ACAA1: variants seen among roughly 807,000 people sequenced by gnomAD.
ACAA1 encodes the protein 3-ketoacyl-CoA thiolase, peroxisomal.
ACAA1 carries 44 observed loss-of-function variants against 48.8 expected under a neutral mutation model. The observed-to-expected ratio is 0.90, with a 90% CI of 0.71 to 1.16. ACAA1 has a LOEUF of 1.16. Ranked by LOEUF, ACAA1 falls within the 50% of genes most tolerant of loss-of-function variation. ACAA1 has a pLI of 0.00. For synonymous variants in ACAA1, 233 were observed against 226.5 expected (o/e 1.03, Z -0.26); for missense variants, 512 against 562.3 (o/e 0.91, Z 0.90).
chr3:38,131,600 A>G lies in ACAA1; in HGVS notation c.442T>C (p.Cys148Arg), dbSNP rs748612350. The G allele has an allele frequency of 6.2e-7, 1 of 1,614,190 alleles. No individual in the cohort carries two copies. The highest frequency in any genetic ancestry group is 1.1e-5 in the South Asian group (1 of 91,078). ...CCGGCAGAAAAAAATTCTTACCCAC[A>G]GGCCATGCCAATGTCATAAGACCCA... Reference protein sequence around the residue: ...RNGSYDIGMACGVESMSLADR... With the variant: ...RNGSYDIGMARGVESMSLADR... Residue 148 changes from cysteine to arginine, a missense_variant, in exon 5 of 12, where the codon TGT (cysteine) becomes CGT (arginine). Cys to Arg is a radical substitution (Grantham distance 180, BLOSUM62 -3). Transcript: ENST00000333167.
Position 38,125,575 on chromosome 3 carries a change from G to A in ACAA1, c.1189C>T (p.Arg397Cys), listed in dbSNP as rs528719459. The A allele has an allele frequency of 4.5e-6, 7 of 1,554,412 alleles. No individual in the cohort carries two copies. The highest frequency in any genetic ancestry group is 2.7e-5 in the African/African-American group (2 of 72,876). Residue 397 changes from arginine to cysteine, a missense_variant, in exon 11 of 12, where the codon CGT (arginine) becomes TGT (cysteine). Transcript: ENST00000333167. ...GGAGCAAAGCCTTACCTCTTCCCAC[G>A]GCGCTTCAGCTCATTGAGCAGCGTG... ...VITLLNELKR[R>C]GKRAYGVVSM...
chr3:38,130,437 A>G (rs888695088), intron 5 of ACAA1, among the ~76,000 whole-genome samples: 4 of 152,202 alleles, frequency 2.6e-5, no homozygotes, highest in Non-Finnish European at 4.4e-5. Flanking sequence ...TAACTTATCC[A>G]TGGTGACCCA....
intron 2 of ACAA1, chr3:38,134,501 A>G (rs541144552): frequency 2.8e-5 from 13 of 457,522 alleles, no homozygotes; most frequent in African/African-American, 2.4e-4. Context: ...GAAAGATCAG[A>G]TTGTTACCGT....
At chr3:38,130,101 C>G (rs1327551533) in intron 5 of ACAA1, among the ~76,000 whole-genome samples, 1 of 152,174 alleles carries the variant, frequency 6.6e-6, no homozygotes, top group Non-Finnish European at 1.5e-5. Context: ...AAAGGGCATT[C>G]AGACCTGCAT....
chr3:38,125,674 C>A lies in ACAA1; in HGVS notation c.1090G>T (p.Glu364Ter). The A allele has an allele frequency of 1.3e-6, 2 of 1,599,720 alleles. 1 individual carries two copies. Among genetic ancestry groups the A allele is most frequent in the South Asian group, 2.3e-5 (2 of 88,796 alleles). The change falls in exon 11 of 12, where the codon GAG becomes TAG. Residue 364 changes from glutamate (E) to a stop codon, truncating the protein, a stop_gained. Coordinates refer to ENST00000333167, the MANE Select transcript of ACAA1 (RefSeq NM_001607.4). LOFTEE classifies it high-confidence loss of function. ...GCACCCCCCAGGGGGTTCACCTTCT[C>A]AGGGGGGAGTCGTAGCTTCTCCACA... ...YCVEKLRLPP[E>*]KVNPLGGAVA...
intron 2 of ACAA1, among the ~76,000 whole-genome samples, 198 bp downstream of exon 2, chr3:38,136,394 C>A (rs1055523271): frequency 6.6e-6 from 1 of 152,206 alleles, no homozygotes. Flanking sequence ...TACACTTTGT[C>A]TCTGCGTCTT....
rs73827609 is a variant in ACAA1, at chr3:38,131,475, G to C, written c.446+121C>G. The C allele has an allele frequency of 2.7e-3, 2,828 of 1,035,482 alleles. 56 individuals carry two copies. The African/African-American group carries it at 0.04, about 15-fold the overall frequency. 64.1% of individuals were successfully genotyped at this position (1,035,482 alleles called of 1,614,324 possible). On this transcript the variant is annotated intron_variant, in intron 5 of 11. Coordinates refer to ENST00000333167, the MANE Select transcript of ACAA1 (RefSeq NM_001607.4). The stretch of plus-strand genomic sequence containing the variant: ...AACCTGCATTTGTGAGAACCCACTC[G>C]TGGCCAGCTGCCTAAAGGGGATGGG...
At chr3:38,125,381 C>A in intron 11 of ACAA1, 184 bp downstream of exon 11, 2 of 593,878 alleles carry the variant, frequency 3.4e-6, no homozygotes, top group Non-Finnish European at 5.3e-6. Context: ...TAACTCACTA[C>A]CTCTGGACCA....
At position 38,123,071 on chromosome 3, in the gene ACAA1, G is replaced by A. The variant is rs2229529; in HGVS notation, c.1251C>T (p.Ala417=). 1,848 of 1,614,140 alleles carry A rather than the reference G, an allele frequency of 1.1e-3. 20 individuals carry two copies. The African/African-American group carries it at 0.022, about 19-fold the overall frequency. ...CTCAGTTCCCAGGGTATTCAAAGAC[G>A]GCAGCGGCTCCCATTCCAGTCCCGA... ...MCIGTGMGAA[A]VFEYPGN Residue 417 remains alanine, a synonymous_variant, in exon 12 of 12, where the codon GCC becomes GCT. Transcript: ENST00000333167.
rs987690863 is a variant in ACAA1 at position 38,126,966 on chromosome 3, A to C, written c.627-266T>G. ...TGCCTCCACTTAGAGCCCTTTGTCC[A>C]AGAGGGATTAAGCCTGCTTGATTCT... is the stretch of plus-strand genomic sequence containing the variant. On this transcript the variant is annotated intron_variant, in intron 7 of 11. Transcript: ENST00000333167. The surrounding 1 kb of genome is among the most constrained non-coding windows in gnomAD (Gnocchi z 4.7). 3.9e-5 allele frequency among the ~76,000 whole-genome samples: 6 copies of C among 152,216 alleles called. No homozygotes were observed. The highest frequency in any genetic ancestry group is 8.8e-5 in the Non-Finnish European group (6 of 68,030).
chr3:38,132,084 A>G (rs1361184422), intron 3 of ACAA1, 79 bp from the exon 4 acceptor site: 6 of 1,313,742 alleles, frequency 4.6e-6, no homozygotes, highest in Non-Finnish European at 1.1e-6. Context: ...TATGCTTCTA[A>G]CTGCCCCCCT....
chr3:38,127,629 C>T, intron 7 of ACAA1, 157 bp downstream of exon 7: 1 of 681,258 alleles, frequency 1.5e-6, no homozygotes, highest in Non-Finnish European at 2.6e-6. Flanking sequence ...GTGGCCCTGA[C>T]ACTTCCTACT....
rs566439081 is a variant in ACAA1 at position 38,136,668 on chromosome 3, C to T, written c.189G>A (p.Glu63=). ...RGGFKDTTPD[E]LLSAVMTAVL... ...CCGCGGTCATGACTGCCGAGAGAAG[C>T]TCGTCGGGGGTGGTGTCCTGCAGCA... is the stretch of plus-strand genomic sequence containing the variant. Residue 63 remains glutamate (E), a synonymous_variant, in exon 2 of 12, where the codon GAG becomes GAA. Coordinates refer to ENST00000333167, the MANE Select transcript of ACAA1 (RefSeq NM_001607.4). The T allele has an allele frequency of 3.7e-6, 6 of 1,613,176 alleles. No homozygotes were observed. In the African/African-American group the frequency reaches 5.3e-5, roughly 14 times the overall value.
chr3:38,125,321 G>C (rs1232451692), intron 11 of ACAA1: 2 of 374,648 alleles, frequency 5.3e-6, no homozygotes, highest in Non-Finnish European at 9.4e-6. Context: ...GAAGTAAGAA[G>C]GGGGTAAAGA....
intron 3 of ACAA1, chr3:38,133,474 AT>A (rs1488632474): frequency 6.4e-6 from 1 of 155,626 alleles, no homozygotes; most frequent in Non-Finnish European, 1.4e-5. Flanking sequence ...CATGAAAATA[AT>A]TTAAGCACTC....
Position 38,123,110 on chromosome 3 carries a change from C to T in ACAA1, c.1212G>A (p.Val404=). 6.2e-7 allele frequency: 1 copy of T among 1,614,170 alleles called. No individual in the cohort carries two copies. The highest frequency in any genetic ancestry group is 8.5e-7 in the Non-Finnish European group (1 of 1,180,030). ...TTCCAGTCCCGATGCACATGGACAC[C>T]ACTCCGTATGCCCTGTGAAAACAAA... ...LKRRGKRAYG[V]VSMCIGTGMG... The change falls in exon 12 of 12, where the codon GTG becomes GTA. Residue 404 remains valine, a synonymous_variant. Coordinates refer to ENST00000333167, the MANE Select transcript of ACAA1 (RefSeq NM_001607.4).
intron 6 of ACAA1, 70 bp from the exon 7 acceptor site, chr3:38,127,936 C>T (rs1700711451): frequency 1.9e-6 from 3 of 1,550,746 alleles, no homozygotes; most frequent in Non-Finnish European, 2.7e-6. Flanking sequence ...GGCTGTAGAG[C>T]TGTGCTTGGA....
chr3:38,131,706 T>C, intron 4 of ACAA1, 68 bp from the exon 5 acceptor site: 2 of 1,543,954 alleles, frequency 1.3e-6, no homozygotes, highest in Non-Finnish European at 1.8e-6. Flanking sequence ...GTGGAGCCTC[T>C]TCCCCACCTG....
rs768130587 is a variant in ACAA1 at position 38,129,365 on chromosome 3, T to C, written c.470A>G (p.Asp157Gly). Residue 157 changes from aspartate (D) to glycine (G), a missense_variant, in exon 6 of 12, where the codon GAC (aspartate) becomes GGC (glycine). Coordinates refer to ENST00000333167, the MANE Select transcript of ACAA1 (RefSeq NM_001607.4). The surrounding 1 kb of genome is among the most constrained non-coding windows in gnomAD (Gnocchi z 5.3). ...AGTAATATTTCCAGGGTTCCCTCTG[T>C]CAGCCAGGGACATGGACTCCACCCT... ...ACGVESMSLA[D>G]RGNPGNITSR... The C allele has an allele frequency of 6.2e-7, 1 of 1,614,076 alleles. No homozygotes were observed. The highest frequency in any genetic ancestry group is 1.1e-5 in the South Asian group (1 of 91,076).
Sources: allele counts gnomAD v4.1 joint callset (sites outside exome capture counted in the v4.1 genomes callset), GRCh38; gene constraint gnomAD v4.1.1; non-coding constraint Gnocchi (gnomAD v3.1); transcripts MANE v1.5; gene names NCBI Gene and HGNC (gene_info 2026-07-23, HGNC 2026-07-21).